Variants in ADGRL3 observed in about 807,000 individuals in gnomAD.
The protein encoded by ADGRL3 is calcium-independent alpha-latrotoxin receptor 3.
Under a neutral mutation model 153.5 loss-of-function variants are expected in ADGRL3, and 62 were observed. The ratio of observed to expected loss-of-function variants is 0.40; its 90% CI spans 0.33 to 0.50. ADGRL3 has a LOEUF of 0.50. ADGRL3 is among the 20% of genes least tolerant of loss of function. ADGRL3 has a pLI of 0.47. For synonymous variants in ADGRL3, 710 were observed against 672.5 expected (o/e 1.06, Z -0.86); for missense variants, 1,641 against 1,859.4 (o/e 0.88, Z 2.16).
At chr4:61,925,301 A>G (rs981430898) in intron 13 of ADGRL3, among the ~76,000 whole-genome samples, 1 of 152,036 alleles carries the variant, frequency 6.6e-6, no homozygotes, top group Non-Finnish European at 1.5e-5. Flanking sequence ...TTCTTACTTC[A>G]TTTGCCCCTC....
chr4:61,572,865 T>A (rs1221558320), intron 4 of ADGRL3, among the ~76,000 whole-genome samples: 1 of 152,056 alleles, frequency 6.6e-6, no homozygotes, highest in Non-Finnish European at 1.5e-5. Context: ...CATCGTGTGA[T>A]CTGACCTCAT....
intron 23 of ADGRL3, among the ~76,000 whole-genome samples, chr4:62,033,572 T>C (rs1190669042): frequency 1.3e-5 from 2 of 151,562 alleles, no homozygotes; most frequent in Non-Finnish European, 3.0e-5. Flanking sequence ...GAGGAAGATG[T>C]CTAGATTTGG....
chr4:61,640,022 G>T (rs1202834555), intron 5 of ADGRL3, among the ~76,000 whole-genome samples: 2 of 151,970 alleles, frequency 1.3e-5, no homozygotes, highest in African/African-American at 4.8e-5. Flanking sequence ...GGAACCTGGG[G>T]AGCAGTTAAG....
chr4:61,253,326 T>G (rs2091638537), intron 1 of ADGRL3, among the ~76,000 whole-genome samples: 1 of 152,228 alleles, frequency 6.6e-6, no homozygotes, highest in Admixed American at 6.5e-5. Context: ...CATTTATTAT[T>G]TGGTAATTTA....
At chr4:61,874,789 C>CTTT (rs11432355) in intron 9 of ADGRL3, among the ~76,000 whole-genome samples, 2,077 of 61,330 alleles carry the variant, frequency 0.034, 439 homozygotes, top group Middle Eastern at 0.067. Flanking sequence ...TCAAAATGCT[C>CTTT]TTTTTTTTTT....
At chr4:61,327,558 T>C (rs2095491037) in intron 1 of ADGRL3, among the ~76,000 whole-genome samples, 1 of 151,970 alleles carries the variant, frequency 6.6e-6, no homozygotes, top group African/African-American at 2.4e-5. Flanking sequence ...ATTTAAAGTT[T>C]GTGATGGGGA....
intron 2 of ADGRL3, among the ~76,000 whole-genome samples, chr4:61,428,860 T>TATATC (rs1553927177): frequency 7.5e-6 from 1 of 133,048 alleles, no homozygotes; most frequent in African/African-American, 2.7e-5. Flanking sequence ...TCTATCTATC[T>TATATC]ATCTATCTAT....
rs1227891678 is a variant in ADGRL3, at chr4:61,676,868, T to A, written c.516T>A (p.Asp172Glu). ...RTQCAVVAGP[D>E]VFPDPCPGTY... ...AGTGTGCAGTGGTGGCAGGTCCTGATGTTTTTCCAGACCCGTGTCCAGGAA... is the reference window on the plus strand; with the variant it reads ...AGTGTGCAGTGGTGGCAGGTCCTGAAGTTTTTCCAGACCCGTGTCCAGGAA... The change falls in exon 6 of 27, where the codon GAT becomes GAA. Residue 172 changes from aspartate (D) to glutamate (E), a missense_variant. By Grantham distance (45) the Asp-to-Glu change is conservative. Coordinates refer to ENST00000683033, the MANE Select transcript of ADGRL3 (RefSeq NM_001387552.1). The A allele has an allele frequency of 6.2e-7, 1 of 1,612,308 alleles. No individual in the cohort carries two copies. The highest frequency in any genetic ancestry group is 8.5e-7 in the Non-Finnish European group (1 of 1,178,684).
intron 8 of ADGRL3, among the ~76,000 whole-genome samples, chr4:61,788,076 G>A (rs1326505087): frequency 1.3e-5 from 2 of 152,026 alleles, no homozygotes; most frequent in Admixed American, 1.3e-4. Flanking sequence ...TTTGCAATTG[G>A]GAATTGTGCT....
At chr4:61,435,764 AG>A (rs1166807075) in intron 2 of ADGRL3, among the ~76,000 whole-genome samples, 5 of 152,210 alleles carry the variant, frequency 3.3e-5, no homozygotes, top group African/African-American at 1.2e-4. Context: ...ACCATCTCAA[AG>A]GGCTAATCTA....
At chr4:61,468,903 T>C (rs1484915920) in intron 2 of ADGRL3, among the ~76,000 whole-genome samples, 3 of 152,110 alleles carry the variant, frequency 2.0e-5, no homozygotes, top group African/African-American at 7.2e-5. Context: ...AAATGAAAGA[T>C]AAAATTAAAA....
intron 1 of ADGRL3, among the ~76,000 whole-genome samples, chr4:61,368,910 A>G (rs978820844): frequency 4.6e-5 from 7 of 152,308 alleles, no homozygotes; most frequent in African/African-American, 1.7e-4. Context: ...TTCCTTGAAC[A>G]GCGATTTGTA....
intron 4 of ADGRL3, among the ~76,000 whole-genome samples, chr4:61,521,866 G>T (rs1374940929): frequency 6.6e-6 from 1 of 151,414 alleles, no homozygotes; most frequent in African/African-American, 2.4e-5. Context: ...CAAATTTAAG[G>T]ACACATAACT....
chr4:61,932,790 G>A (rs541334669), intron 13 of ADGRL3, among the ~76,000 whole-genome samples: 1 of 152,204 alleles, frequency 6.6e-6, no homozygotes, highest in Non-Finnish European at 1.5e-5. Flanking sequence ...ATTCACCAGT[G>A]AAGCTATCTG....
chr4:61,490,110 T>A (rs570686324), intron 2 of ADGRL3, among the ~76,000 whole-genome samples: 1 of 152,162 alleles, frequency 6.6e-6, no homozygotes, highest in South Asian at 2.1e-4. Flanking sequence ...CTCTTTACCT[T>A]TACCATAGCA....
chr4:61,947,224 C>A, intron 16 of ADGRL3, 102 bp downstream of exon 16: 1 of 924,100 alleles, frequency 1.1e-6, no homozygotes, highest in Non-Finnish European at 1.6e-6. Flanking sequence ...TTCTATTTGA[C>A]ATATAACAGT....
chr4:61,493,563 C>T (rs2098279908), intron 2 of ADGRL3, among the ~76,000 whole-genome samples: 1 of 152,152 alleles, frequency 6.6e-6, no homozygotes, highest in African/African-American at 2.4e-5. Context: ...ACTCCTCTTT[C>T]ACTATGGAAA....
intron 1 of ADGRL3, among the ~76,000 whole-genome samples, chr4:61,371,214 G>C (rs377531037): frequency 3.4e-4 from 52 of 151,496 alleles, no homozygotes; most frequent in African/African-American, 1.1e-3. Flanking sequence ...TTAATTGGAG[G>C]ATTTAGTCCA....
At chr4:61,932,956 C>T (rs370613904) in intron 13 of ADGRL3, among the ~76,000 whole-genome samples, 10 of 151,820 alleles carry the variant, frequency 6.6e-5, no homozygotes, top group African/African-American at 2.4e-4. Context: ...TTTCTTTTTC[C>T]TTTTTTCTCA....
Sources: allele counts gnomAD v4.1 joint callset (sites outside exome capture counted in the v4.1 genomes callset), GRCh38; gene constraint gnomAD v4.1.1; transcripts MANE v1.5; gene names NCBI Gene and HGNC (gene_info 2026-07-23, HGNC 2026-07-21).